NCOA1: variants seen among roughly 807,000 people sequenced by gnomAD.
NCOA1 encodes Hin-2 protein.
Under a neutral mutation model 150.9 loss-of-function variants are expected in NCOA1, and 35 were observed. That is an observed-to-expected ratio of 0.23 (90% CI 0.18 to 0.31). The LOEUF is 0.31. Ranked by LOEUF, NCOA1 falls within the 10% of genes least tolerant of loss-of-function variation. NCOA1 has a pLI of 1.00. For synonymous variants in NCOA1, 590 were observed against 630.0 expected, an observed-to-expected ratio of 0.94 and a Z score of 0.95; for missense variants, 1,491 against 1,749.3, an observed-to-expected ratio of 0.85 and a Z score of 2.63.
chr2:24,566,031 G>A (rs545264083), intron 2 of NCOA1, among the ~76,000 whole-genome samples: 56 of 152,274 alleles, frequency 3.7e-4, no homozygotes, highest in Admixed American at 2.9e-3. Context: ...CACCCACAAC[G>A]TGGCAAGCAA....
rs191753339 is a variant in NCOA1 at position 24,696,697 on chromosome 2, T to C, written c.809-961T>C. On this transcript the variant is annotated intron_variant, in intron 10 of 22. Transcript: ENST00000348332. ...CCATGCAACACGTGAAAGATGTTCA[T>C]AGCAGTGCTGATTGTAATGGCAAAA... is the stretch of plus-strand genomic sequence containing the variant. 3.5e-3 allele frequency among the ~76,000 whole-genome samples: 536 copies of C among 152,280 alleles called. 1 individual carries two copies. Among genetic ancestry groups the C allele is most frequent in the Non-Finnish European group, 5.9e-3 (404 of 68,018 alleles).
chr2:24,744,829 A>G (rs1456992454), intron 19 of NCOA1, among the ~76,000 whole-genome samples: 1 of 152,262 alleles, frequency 6.6e-6, no homozygotes, highest in Non-Finnish European at 1.5e-5. Context: ...GGTTTCATAT[A>G]GAAGAGTTGA....
intron 2 of NCOA1, among the ~76,000 whole-genome samples, chr2:24,582,636 C>G (rs1019127369): frequency 6.6e-6 from 1 of 152,198 alleles, no homozygotes; most frequent in East Asian, 1.9e-4. Flanking sequence ...ACAGACGACC[C>G]CAAATAGGCA....
intron 1 of NCOA1, among the ~76,000 whole-genome samples, chr2:24,559,384 A>G (rs1666206021): frequency 6.6e-6 from 1 of 151,966 alleles, no homozygotes. Context: ...GCTCTACAAG[A>G]TTTTTCTCTG....
chr2:24,754,132 C>G (rs1664384581), intron 20 of NCOA1, among the ~76,000 whole-genome samples: 1 of 152,148 alleles, frequency 6.6e-6, no homozygotes, highest in African/African-American at 2.4e-5. Context: ...ACATGTGCAC[C>G]TTAATGCAAG....
intron 7 of NCOA1, among the ~76,000 whole-genome samples, chr2:24,682,197 T>C (rs1004601397): frequency 3.3e-5 from 5 of 152,174 alleles, no homozygotes; most frequent in Admixed American, 2.6e-4. Context: ...ATTGCTTATA[T>C]ATATTCTGCA....
At chr2:24,761,384 T>C (rs1664788187) in intron 21 of NCOA1, among the ~76,000 whole-genome samples, 1 of 152,212 alleles carries the variant, frequency 6.6e-6, no homozygotes, top group Non-Finnish European at 1.5e-5. Context: ...TTTTGCAATA[T>C]CTAATCTGTT....
chr2:24,748,340 G>C (rs958194387), intron 19 of NCOA1, among the ~76,000 whole-genome samples: 19 of 151,238 alleles, frequency 1.3e-4, no homozygotes, highest in African/African-American at 4.4e-4. Flanking sequence ...GGCCGGGCGT[G>C]GTGGCTCACG....
At chr2:24,690,967 G>A (rs554825625) in intron 8 of NCOA1, among the ~76,000 whole-genome samples, 57 of 152,236 alleles carry the variant, frequency 3.7e-4, no homozygotes, top group Admixed American at 9.2e-4. Flanking sequence ...TTGAGATTGC[G>A]CTATATTCTT....
At chr2:24,560,086 T>C (rs1173716653) in intron 1 of NCOA1, among the ~76,000 whole-genome samples, 2 of 152,222 alleles carry the variant, frequency 1.3e-5, no homozygotes, top group African/African-American at 4.8e-5. Context: ...ACTATTATAC[T>C]AATCTTTCTT....
At chr2:24,675,810 G>T (rs922245637) in intron 7 of NCOA1, among the ~76,000 whole-genome samples, 24 of 152,202 alleles carry the variant, frequency 1.6e-4, no homozygotes, top group Non-Finnish European at 1.5e-4. Context: ...ACGTGAACCT[G>T]TGAGGCAGAG....
chr2:24,747,343 T>TG (rs1370108538), intron 19 of NCOA1, among the ~76,000 whole-genome samples: 1 of 148,260 alleles, frequency 6.7e-6, no homozygotes, highest in Admixed American at 6.7e-5. Context: ...TTTTTTTTTT[T>TG]TTTTTAATCT....
intron 1 of NCOA1, among the ~76,000 whole-genome samples, chr2:24,542,078 TC>T (rs1665422799): frequency 6.6e-6 from 1 of 152,184 alleles, no homozygotes; most frequent in African/African-American, 2.4e-5. Context: ...CAATTGATGT[TC>T]CAGAGTTATG....
chr2:24,522,602 T>A (rs1426922461), intron 1 of NCOA1, among the ~76,000 whole-genome samples: 3 of 152,098 alleles, frequency 2.0e-5, no homozygotes, highest in South Asian at 4.1e-4. Flanking sequence ...AGGTCCTGAT[T>A]TAGCAATGGT....
chr2:24,632,086 G>A (rs1669733048), intron 3 of NCOA1, among the ~76,000 whole-genome samples: 1 of 152,028 alleles, frequency 6.6e-6, no homozygotes, highest in Non-Finnish European at 1.5e-5. Context: ...TCTCAAAACA[G>A]CAGTTTAGTT....
Position 24,574,406 on chromosome 2 carries a change from A to G in NCOA1, c.-260+9976A>G, listed in dbSNP as rs746295446. Reference sequence around the variant, plus strand: ...TATAGAAAAGATGGAAATATGCCCAATTAATATTATAAAATCAGTATGACT... The same window carrying G: ...TATAGAAAAGATGGAAATATGCCCAGTTAATATTATAAAATCAGTATGACT... On this transcript the variant is annotated intron_variant, in intron 2 of 22. Transcript: ENST00000348332. Among the ~76,000 whole-genome samples the G allele has an allele frequency of 2.8e-4, 43 of 152,238 alleles. No individual in the cohort carries two copies. In the Middle Eastern group the frequency reaches 0.01, roughly 36 times the overall value.
chr2:24,558,936 C>T (rs1234678146), intron 1 of NCOA1, among the ~76,000 whole-genome samples: 1 of 152,016 alleles, frequency 6.6e-6, no homozygotes, highest in Non-Finnish European at 1.5e-5. Flanking sequence ...AGTCCCTGTT[C>T]CTTAGTCTGA....
chr2:24,712,224 A>G (rs1420372788), intron 14 of NCOA1, among the ~76,000 whole-genome samples: 1 of 152,226 alleles, frequency 6.6e-6, no homozygotes, highest in Non-Finnish European at 1.5e-5. Flanking sequence ...AGATTAAATG[A>G]TTTTGAAAGT....
chr2:24,615,777 G>A (rs774925513), intron 3 of NCOA1, among the ~76,000 whole-genome samples: 2 of 152,138 alleles, frequency 1.3e-5, no homozygotes, highest in Non-Finnish European at 2.9e-5. Flanking sequence ...GGGTTACTCA[G>A]CCAAACCATT....
Sources: gnomAD v4.1 joint callset for allele counts (sites outside exome capture counted in the v4.1 genomes callset) on GRCh38, gnomAD v4.1.1 for gene constraint, MANE v1.5 for transcripts, NCBI Gene and HGNC (gene_info 2026-07-23, HGNC 2026-07-21) for gene names.